The following VEPH1 variants were observed in gnomAD, a reference collection of about 807,000 sequenced individuals.
VEPH1 encodes the protein ventricular zone-expressed PH domain-containing protein homolog 1.
A neutral mutation model predicts 85.2 loss-of-function variants in VEPH1; 80 were observed. The observed-to-expected ratio is 0.94, with a 90% CI of 0.78 to 1.13. The LOEUF (loss-of-function observed/expected upper bound fraction) is 1.13. Among genes scored for constraint, VEPH1 ranks in the 50% most tolerant of loss-of-function variants. VEPH1 has a pLI of 0.00. For missense variants in VEPH1, 955 were observed against 980.5 expected, an observed-to-expected ratio of 0.97 and a Z score of 0.35; for synonymous variants, 297 against 348.0, an observed-to-expected ratio of 0.85 and a Z score of 1.63.
chr3:157,361,367 C>T (rs548887401), intron 9 of VEPH1, among the ~76,000 whole-genome samples: 1 of 152,240 alleles, frequency 6.6e-6, no homozygotes, highest in East Asian at 1.9e-4. Context: ...ATCCCCCTTT[C>T]CCTTTGTTAG....
At chr3:157,453,696 G>T in intron 4 of VEPH1, among the ~76,000 whole-genome samples, 1 of 152,144 alleles carries the variant, frequency 6.6e-6, no homozygotes, top group East Asian at 1.9e-4. Flanking sequence ...TGTCTGGTAG[G>T]GGATGTAAGA....
At chr3:157,492,780 G>A (rs971531981) in intron 2 of VEPH1, among the ~76,000 whole-genome samples, 1 of 152,076 alleles carries the variant, frequency 6.6e-6, no homozygotes, top group Non-Finnish European at 1.5e-5. Flanking sequence ...AACAGAAAAA[G>A]TCTGAATAAG....
chr3:157,459,854 G>C, intron 4 of VEPH1: 22 of 1,536,910 alleles, frequency 1.4e-5, no homozygotes, highest in Non-Finnish European at 1.8e-5. Flanking sequence ...GTTCCACTCA[G>C]TACACAGAGA....
chr3:157,367,704 T>C (rs1300380284), intron 7 of VEPH1, among the ~76,000 whole-genome samples: 1 of 152,130 alleles, frequency 6.6e-6, no homozygotes, highest in African/African-American at 2.4e-5. Context: ...GAGATGGGGG[T>C]CTTGCCATGT....
At position 157,369,180 on chromosome 3, in the gene VEPH1, GAAAAA is replaced by G. The variant is rs58451868; in HGVS notation, c.1128-4673_1128-4669del. Among the ~76,000 whole-genome samples the G allele has an allele frequency of 8.1e-3, 346 of 42,792 alleles. 2 individuals carry two copies. Among genetic ancestry groups the G allele is most frequent in the Middle Eastern group, 0.056 (2 of 36 alleles). 28.1% of individuals were successfully genotyped at this position (42,792 alleles called of 152,430 possible). A position where few individuals can be genotyped will look rare whatever the true frequency, so the allele number is the denominator to read the frequency against. ...ACAACAACAACAACAAAAACCAAAT[GAAAAA>G]AAAAAAAAAAAAAAAAAAACCTCCT... On this transcript the variant is annotated intron_variant, in intron 7 of 13. Transcript: ENST00000362010.
At chr3:157,469,592 A>G (rs538485994) in intron 3 of VEPH1, among the ~76,000 whole-genome samples, 2 of 152,342 alleles carry the variant, frequency 1.3e-5, no homozygotes, top group Admixed American at 1.3e-4. Flanking sequence ...TGATCATTCA[A>G]AAGGGAAAAA....
intron 9 of VEPH1, among the ~76,000 whole-genome samples, chr3:157,328,963 C>G (rs1174101057): frequency 6.6e-6 from 1 of 152,154 alleles, no homozygotes; most frequent in Non-Finnish European, 1.5e-5. Flanking sequence ...TGGCTAGCAA[C>G]TGGCAGTCCA....
chr3:157,400,414 AAAGTT>A (rs1427513129), intron 6 of VEPH1, among the ~76,000 whole-genome samples: 4 of 152,152 alleles, frequency 2.6e-5, no homozygotes, highest in Non-Finnish European at 5.9e-5. Flanking sequence ...AATTATGGCT[AAAGTT>A]AAGTGTGGAA....
intron 6 of VEPH1, among the ~76,000 whole-genome samples, chr3:157,394,992 T>C (rs899304450): frequency 2.0e-5 from 3 of 152,098 alleles, no homozygotes; most frequent in Non-Finnish European, 4.4e-5. Context: ...CTGGTTGGCA[T>C]TGTAATTATG....
chr3:157,431,488 C>A (rs1017077208), intron 4 of VEPH1, among the ~76,000 whole-genome samples: 4 of 152,096 alleles, frequency 2.6e-5, no homozygotes, highest in Admixed American at 2.0e-4. Context: ...CTTCCCTTTT[C>A]CACTTTTAAG....
intron 9 of VEPH1, among the ~76,000 whole-genome samples, chr3:157,350,714 C>A (rs1377297679): frequency 6.6e-6 from 1 of 152,064 alleles, no homozygotes. Flanking sequence ...GGGAAATGAT[C>A]TGAACAGATA....
At chr3:157,382,566 T>C (rs1263048222) in intron 6 of VEPH1, among the ~76,000 whole-genome samples, 3 of 152,212 alleles carry the variant, frequency 2.0e-5, no homozygotes, top group Admixed American at 1.3e-4. Flanking sequence ...TTTTTGTGTA[T>C]GTCTAAAATT....
rs1553773125 is a variant in VEPH1 at position 157,369,193 on chromosome 3, A to AAAAAAAAAAAAAAAAAAAAC, written c.1128-4682_1128-4681insGTTTTTTTTTTTTTTTTTTT. ...CAAAAACCAAATGAAAAAAAAAAAA[A>AAAAAAAAAAAAAAAAAAAAC]AAAAAAAAAAACCTCCTGAGGTCTA... On this transcript the variant is annotated intron_variant, in intron 7 of 13. Transcript: ENST00000362010. Among the ~76,000 whole-genome samples, 52 of 140,622 alleles carry AAAAAAAAAAAAAAAAAAAAC rather than the reference A, an allele frequency of 3.7e-4. 1 individual carries two copies. Among genetic ancestry groups the AAAAAAAAAAAAAAAAAAAAC allele is most frequent in the Middle Eastern group, 3.7e-3 (1 of 272 alleles). 92.3% of individuals were successfully genotyped at this position (140,622 alleles called of 152,430 possible). A position where few individuals can be genotyped will look rare whatever the true frequency, so the allele number is the denominator to read the frequency against.
chr3:157,429,698 T>G (rs1733001335), intron 4 of VEPH1, among the ~76,000 whole-genome samples: 2 of 152,252 alleles, frequency 1.3e-5, no homozygotes, highest in Non-Finnish European at 2.9e-5. Flanking sequence ...ACAATTTGTT[T>G]TGTTTTCTGT....
intron 2 of VEPH1, among the ~76,000 whole-genome samples, chr3:157,475,362 G>A (rs924282393): frequency 1.4e-4 from 21 of 151,546 alleles, no homozygotes; most frequent in African/African-American, 2.4e-4. Context: ...GATTTTGCCC[G>A]GTGATCTAAT....
intron 7 of VEPH1, among the ~76,000 whole-genome samples, chr3:157,377,856 T>G (rs1728299963): frequency 6.6e-6 from 1 of 152,224 alleles, no homozygotes; most frequent in African/African-American, 2.4e-5. Flanking sequence ...ACAGGCCTAC[T>G]TATTAAAAAT....
intron 12 of VEPH1, among the ~76,000 whole-genome samples, chr3:157,276,537 T>C (rs1304932222): frequency 6.6e-6 from 1 of 152,156 alleles, no homozygotes; most frequent in African/African-American, 2.4e-5. Flanking sequence ...ATAGGTTATA[T>C]GATATACGAA....
At chr3:157,286,865 G>T (rs1716851376) in intron 11 of VEPH1, among the ~76,000 whole-genome samples, 191 bp from the exon 12 acceptor site, 2 of 152,176 alleles carry the variant, frequency 1.3e-5, no homozygotes, top group Non-Finnish European at 1.5e-5. Flanking sequence ...TTTTCCAGAA[G>T]AGTATTCATA....
chr3:157,343,049 G>C (rs1443027908), intron 9 of VEPH1, among the ~76,000 whole-genome samples: 1 of 152,216 alleles, frequency 6.6e-6, no homozygotes, highest in East Asian at 1.9e-4. Context: ...GAAATTTACA[G>C]CACGAAATGC....
Sources: allele counts gnomAD v4.1 joint callset (sites outside exome capture counted in the v4.1 genomes callset), GRCh38; gene constraint gnomAD v4.1.1; transcripts MANE v1.5; gene names NCBI Gene and HGNC (gene_info 2026-07-23, HGNC 2026-07-21).